KLF12: variants seen among roughly 807,000 people sequenced by gnomAD.
KLF12 encodes KLF transcription factor 12.
KLF12 carries 9 observed loss-of-function variants against 37.8 expected under a neutral mutation model. The observed-to-expected ratio is 0.24, with a 90% CI of 0.14 to 0.42. The LOEUF is 0.42. KLF12 is among the 10% of genes least tolerant of loss of function. The pLI is 1.00. For missense variants in KLF12, 411 were observed against 516.0 expected, an observed-to-expected ratio of 0.80 and a Z score of 1.97; for synonymous variants, 208 against 202.1, an observed-to-expected ratio of 1.03 and a Z score of -0.25.
intron 6 of KLF12, among the ~76,000 whole-genome samples, chr13:73,721,201 C>A (rs1594005998): frequency 6.6e-6 from 1 of 152,196 alleles, no homozygotes; most frequent in Non-Finnish European, 1.5e-5. Context: ...AAGGCCAAGG[C>A]CAAGACAAAG....
chr13:74,026,947 G>T (rs1892990674), intron 1 of KLF12, among the ~76,000 whole-genome samples: 1 of 152,084 alleles, frequency 6.6e-6, no homozygotes, highest in Non-Finnish European at 1.5e-5. Flanking sequence ...AAAAGTCAGG[G>T]GCCTGCCTTT....
In KLF12 at chr13:73,914,352, A is replaced by C. The variant is rs886692779; in HGVS notation, c.123+29629T>G. Among the ~76,000 whole-genome samples the C allele has an allele frequency of 7.2e-5, 11 of 152,224 alleles. No homozygotes were observed. In the South Asian group the frequency reaches 2.3e-3, roughly 31 times the overall value. On this transcript the variant is annotated intron_variant, in intron 3 of 7. Coordinates refer to ENST00000377669, the MANE Select transcript of KLF12 (RefSeq NM_007249.5). ...CCTAGGCTTGCTGCAGGCGTTCATC[A>C]GCAGGGGGTGGTTGTGCTTATTAAA...
chr13:74,291,539 A>G, the KLF12 span, among the ~76,000 whole-genome samples: 2 of 152,236 alleles, frequency 1.3e-5, no homozygotes, highest in African/African-American at 2.4e-5. Flanking sequence ...GAAGCAGAAC[A>G]TATATGGCGA....
At chr13:74,089,902 C>T (rs1875554113) in intron 1 of KLF12, among the ~76,000 whole-genome samples, 2 of 150,852 alleles carry the variant, frequency 1.3e-5, no homozygotes, top group African/African-American at 4.9e-5. Flanking sequence ...CTCATGTCTG[C>T]TCTCACCACT....
At chr13:73,923,902 A>C (rs1174045818) in intron 3 of KLF12, among the ~76,000 whole-genome samples, 2 of 152,248 alleles carry the variant, frequency 1.3e-5, no homozygotes, top group African/African-American at 4.8e-5. Context: ...GACACTGATC[A>C]TCAATACCAT....
At chr13:73,792,652 G>A (rs1006697801) in intron 5 of KLF12, among the ~76,000 whole-genome samples, 2 of 152,034 alleles carry the variant, frequency 1.3e-5, no homozygotes, top group South Asian at 2.1e-4. Flanking sequence ...TATGAAGGTC[G>A]CATGGGTGTA....
chr13:74,185,001 T>C, the KLF12 span, among the ~76,000 whole-genome samples: 1 of 152,184 alleles, frequency 6.6e-6, no homozygotes, highest in East Asian at 1.9e-4. Flanking sequence ...CTTTACCTCA[T>C]ACAAATTATG....
At chr13:73,934,950 A>G (rs888065470) in intron 3 of KLF12, among the ~76,000 whole-genome samples, 74 of 139,656 alleles carry the variant, frequency 5.3e-4, no homozygotes, top group African/African-American at 1.9e-3. Flanking sequence ...ATAGGTTTTT[A>G]TTATTTATTT....
intron 3 of KLF12, among the ~76,000 whole-genome samples, chr13:73,878,388 T>C (rs191457318): frequency 1.3e-5 from 2 of 152,304 alleles, no homozygotes; most frequent in East Asian, 1.9e-4. Context: ...TACATAAAAC[T>C]AGACTTTCTC....
At chr13:73,968,247 A>G (rs140322724) in intron 2 of KLF12, among the ~76,000 whole-genome samples, 1 of 152,332 alleles carries the variant, frequency 6.6e-6, no homozygotes, top group East Asian at 1.9e-4. Context: ...AGTCAGCTAA[A>G]TTTGCATAGG....
At chr13:73,924,382 G>T (rs1351116434) in intron 3 of KLF12, among the ~76,000 whole-genome samples, 1 of 152,112 alleles carries the variant, frequency 6.6e-6, no homozygotes, top group African/African-American at 2.4e-5. Flanking sequence ...TTTTGGTTTA[G>T]TAATTCTCCC....
chr13:73,821,822 C>T (rs573646680), intron 4 of KLF12, among the ~76,000 whole-genome samples: 1 of 152,304 alleles, frequency 6.6e-6, no homozygotes, highest in Admixed American at 6.5e-5. Context: ...ATTCTGCCAC[C>T]ACAATCTACC....
intron 3 of KLF12, among the ~76,000 whole-genome samples, chr13:73,927,189 G>C (rs1390943735): frequency 6.6e-6 from 1 of 152,302 alleles, no homozygotes; most frequent in African/African-American, 2.4e-5. Flanking sequence ...GTAAGGAGTT[G>C]CACCATTGAG....
At chr13:73,750,146 T>C (rs1054472774) in intron 6 of KLF12, among the ~76,000 whole-genome samples, 1 of 152,226 alleles carries the variant, frequency 6.6e-6, no homozygotes, top group East Asian at 1.9e-4. Context: ...TGTTTAAAGA[T>C]GTCTGTAATG....
intron 1 of KLF12, among the ~76,000 whole-genome samples, chr13:73,997,015 C>A (rs1892139270): frequency 6.6e-6 from 1 of 152,156 alleles, no homozygotes; most frequent in Non-Finnish European, 1.5e-5. Context: ...TTTGTCATAC[C>A]ATCTACATTT....
intron 1 of KLF12, among the ~76,000 whole-genome samples, chr13:74,074,507 T>C (rs1874454788): frequency 6.6e-6 from 1 of 152,188 alleles, no homozygotes; most frequent in Non-Finnish European, 1.5e-5. Context: ...GGATCCCAGG[T>C]ACCAGGTACC....
At chr13:74,225,994 G>C in the KLF12 span, among the ~76,000 whole-genome samples, 1 of 152,128 alleles carries the variant, frequency 6.6e-6, no homozygotes, top group African/African-American at 2.4e-5. Context: ...AAGGTGTACT[G>C]TGGGCACATT....
In KLF12 at chr13:74,106,923, T is replaced by A. The variant is rs574465324; in HGVS notation, c.-32+26816A>T. On this transcript the variant is annotated intron_variant, in intron 1 of 7. Transcript: ENST00000377669. ...CAAAGGAAAAAAAAAAAATTAAAGA[T>A]GCTGTCTTACATTTTTTGGGCTGCT... is the stretch of plus-strand genomic sequence containing the variant. Among the ~76,000 whole-genome samples the A allele has an allele frequency of 2.0e-5, 3 of 151,586 alleles. No homozygotes were observed. The East Asian group carries it at 5.8e-4, about 29-fold the overall frequency.
the KLF12 span, among the ~76,000 whole-genome samples, chr13:74,211,912 C>G: frequency 1.3e-5 from 2 of 152,174 alleles, no homozygotes; most frequent in African/African-American, 4.8e-5. Flanking sequence ...ACCTCATTCA[C>G]TGATCTTTTG....
Sources: gnomAD v4.1 joint callset for allele counts (sites outside exome capture counted in the v4.1 genomes callset) on GRCh38, gnomAD v4.1.1 for gene constraint, MANE v1.5 for transcripts, NCBI Gene and HGNC (gene_info 2026-07-23, HGNC 2026-07-21) for gene names.